Variants in WDR70 observed in about 807,000 individuals in gnomAD.
WDR70 encodes WD repeat-containing protein 70.
Under a neutral mutation model 88.6 loss-of-function variants are expected in WDR70, and 53 were observed. That is an observed-to-expected ratio of 0.60 (90% CI 0.48 to 0.75). The LOEUF (loss-of-function observed/expected upper bound fraction) is 0.75, where lower values mean the gene tolerates loss of function less well. Among genes scored for constraint, WDR70 ranks in the 30% least tolerant of loss-of-function variants. The pLI is 0.00. For missense variants in WDR70, 610 were observed against 823.2 expected (o/e 0.74, Z 3.17); for synonymous variants, 280 against 270.0 (o/e 1.04, Z -0.36).
intron 9 of WDR70, among the ~76,000 whole-genome samples, chr5:37,554,944 T>C (rs751884767): frequency 6.6e-6 from 1 of 152,226 alleles, no homozygotes; most frequent in Admixed American, 6.5e-5. Context: ...TAGGGAATTA[T>C]TTACATTTCT....
intron 13 of WDR70, among the ~76,000 whole-genome samples, chr5:37,704,922 C>T (rs1310264959): frequency 6.7e-6 from 1 of 149,872 alleles, no homozygotes; most frequent in East Asian, 1.9e-4. Flanking sequence ...ACATTCAGAT[C>T]TAAGTTTTGA....
intron 10 of WDR70, among the ~76,000 whole-genome samples, chr5:37,625,768 A>C (rs769592658): frequency 6.6e-6 from 1 of 151,992 alleles, no homozygotes; most frequent in African/African-American, 2.4e-5. Flanking sequence ...ACCTCAAGTG[A>C]TCTGCCCGCC....
At chr5:37,467,002 G>A (rs1739171154) in intron 7 of WDR70, among the ~76,000 whole-genome samples, 2 of 152,014 alleles carry the variant, frequency 1.3e-5, no homozygotes, top group African/African-American at 4.8e-5. Context: ...TTGGGAGGCC[G>A]AGGCAAGTGG....
chr5:37,559,323 T>C (rs2112370810), intron 9 of WDR70, among the ~76,000 whole-genome samples: 1 of 152,290 alleles, frequency 6.6e-6, no homozygotes, highest in South Asian at 2.1e-4. Flanking sequence ...ATTTATCATA[T>C]CGAATTTATT....
chr5:37,498,300 A>G (rs1740292493), intron 8 of WDR70, among the ~76,000 whole-genome samples: 1 of 152,044 alleles, frequency 6.6e-6, no homozygotes, highest in Non-Finnish European at 1.5e-5. Flanking sequence ...TCTTTACTTG[A>G]CTTTGAATTT....
intron 7 of WDR70, among the ~76,000 whole-genome samples, chr5:37,445,173 C>G (rs200946298): frequency 1.3e-5 from 2 of 152,214 alleles, no homozygotes; most frequent in South Asian, 4.1e-4. Flanking sequence ...TATTGTCTAG[C>G]TGTTTCACTG....
At chr5:37,431,210 C>G (rs1357762976) in intron 5 of WDR70, among the ~76,000 whole-genome samples, 1 of 152,114 alleles carries the variant, frequency 6.6e-6, no homozygotes, top group East Asian at 1.9e-4. Flanking sequence ...AGGCAGGAAC[C>G]TTCTTTCTTT....
chr5:37,468,360 C>T (rs1484989181), intron 7 of WDR70, among the ~76,000 whole-genome samples: 1 of 151,972 alleles, frequency 6.6e-6, no homozygotes, highest in African/African-American at 2.4e-5. Flanking sequence ...TCTATTTTGT[C>T]CTAACAATTA....
At chr5:37,415,392 C>A in intron 5 of WDR70, among the ~76,000 whole-genome samples, 1 of 112,520 alleles carries the variant, frequency 8.9e-6, no homozygotes, top group South Asian at 3.2e-4. Context: ...CCGGACGGGG[C>A]GGCTGGCCGG....
At chr5:37,643,865 C>T (rs1324845530) in intron 10 of WDR70, among the ~76,000 whole-genome samples, 1 of 151,932 alleles carries the variant, frequency 6.6e-6, no homozygotes, top group Non-Finnish European at 1.5e-5. Flanking sequence ...ATTTGTTTAT[C>T]AGCTCTAATA....
At chr5:37,727,828 A>G (rs1362587823) in intron 17 of WDR70, among the ~76,000 whole-genome samples, 1 of 152,068 alleles carries the variant, frequency 6.6e-6, no homozygotes. Flanking sequence ...CTCCCACCTC[A>G]GACTCCCAAA....
At chr5:37,571,779 C>G (rs1742912534) in intron 9 of WDR70, among the ~76,000 whole-genome samples, 1 of 152,122 alleles carries the variant, frequency 6.6e-6, no homozygotes. Context: ...TACTCAAATT[C>G]TTTTCTACAC....
intron 9 of WDR70, among the ~76,000 whole-genome samples, chr5:37,602,125 G>A (rs1005736400): frequency 3.9e-5 from 6 of 151,944 alleles, no homozygotes; most frequent in African/African-American, 9.7e-5. Context: ...TGTAGGTGAC[G>A]GGATGATGGG....
At chr5:37,390,798 C>T (rs1399054834) in intron 3 of WDR70, among the ~76,000 whole-genome samples, 1 of 148,982 alleles carries the variant, frequency 6.7e-6, no homozygotes, top group African/African-American at 2.5e-5. Flanking sequence ...CTCACCACAA[C>T]CTCCACCTCT....
intron 13 of WDR70, among the ~76,000 whole-genome samples, chr5:37,713,806 T>A (rs1162727634): frequency 1.3e-5 from 2 of 152,240 alleles, no homozygotes; most frequent in Admixed American, 1.3e-4. Flanking sequence ...ATCCCACTGA[T>A]GGACCAAGTG....
Position 37,449,614 on chromosome 5 carries a change from AAAAT to A in WDR70, c.686+6262_686+6265del, listed in dbSNP as rs1554140452. On this transcript the variant is annotated intron_variant, in intron 7 of 17. Transcript: ENST00000265107. ...TCAAAAAAAAAAAAATAAAAAATAA[AAAAT>A]AAATAAATAAATAAATAAAATCAAA... is the stretch of plus-strand genomic sequence containing the variant. 3.7e-4 allele frequency among the ~76,000 whole-genome samples: 45 copies of A among 120,758 alleles called. 1 individual carries two copies. The highest frequency in any genetic ancestry group is 4.1e-3 in the Middle Eastern group (1 of 242). The allele number at this position is 120,758 out of a possible 152,430, so 79.2% of individuals were successfully genotyped here. A position where few individuals can be genotyped will look rare whatever the true frequency, so the allele number is the denominator to read the frequency against.
At chr5:37,738,037 A>C (rs1237501939) in intron 17 of WDR70, among the ~76,000 whole-genome samples, 1 of 151,616 alleles carries the variant, frequency 6.6e-6, no homozygotes, top group Non-Finnish European at 1.5e-5. Flanking sequence ...TTTAAAAAAA[A>C]AAAAAACAAA....
chr5:37,576,136 C>T (rs1272377134), intron 9 of WDR70, among the ~76,000 whole-genome samples: 1 of 109,328 alleles, frequency 9.1e-6, no homozygotes, highest in Admixed American at 1.0e-4. Context: ...CGCCCTCCTT[C>T]CCCCCTCCCT....
chr5:37,583,891 G>A (rs894317321), intron 9 of WDR70, among the ~76,000 whole-genome samples: 1 of 152,096 alleles, frequency 6.6e-6, no homozygotes, highest in Non-Finnish European at 1.5e-5. Flanking sequence ...TGGAAAATTT[G>A]CAGTATTCTT....
Sources: allele counts gnomAD v4.1 joint callset (sites outside exome capture counted in the v4.1 genomes callset), GRCh38; gene constraint gnomAD v4.1.1; transcripts MANE v1.5; gene names NCBI Gene and HGNC (gene_info 2026-07-23, HGNC 2026-07-21).